GDPD5: variants seen among roughly 807,000 people sequenced by gnomAD.
The protein encoded by GDPD5 is glycerophosphodiester phosphodiesterase 2.
GDPD5 carries 48 observed loss-of-function variants against 75.1 expected under a neutral mutation model. That is an observed-to-expected ratio of 0.64 (90% CI 0.51 to 0.81). GDPD5 has a LOEUF of 0.81. Ranked by LOEUF, GDPD5 falls within the 40% of genes least tolerant of loss-of-function variation. GDPD5 has a pLI of 0.00. For missense variants in GDPD5, 706 were observed against 822.6 expected, an observed-to-expected ratio of 0.86 and a Z score of 1.73; for synonymous variants, 336 against 339.0, an observed-to-expected ratio of 0.99 and a Z score of 0.10.
chr11:75,439,210 G>A (rs942448906), intron 15 of GDPD5: 33 of 399,496 alleles, frequency 8.3e-5, no homozygotes, highest in African/African-American at 1.6e-4. Context: ...GGCTTCAGGC[G>A]AGCGCGCTGT....
rs768753331 is a variant in GDPD5, at chr11:75,439,882, T to C, written c.1553A>G (p.Gln518Arg). The part of the protein sequence containing the change: ...FTLIVGIFVL[Q>R]KWRLGGIRSY... The stretch of plus-strand genomic sequence containing the variant: ...GAAGTGGTCAGATCCTACTCACTTC[T>C]GGAGCACGAAGATGCCCACGATGAG... The change falls in exon 15 of 17, where the codon CAG (glutamine) becomes CGG (arginine). Residue 518 changes from glutamine to arginine, a missense_variant. Physicochemically the swap from Gln to Arg is conservative, Grantham distance 43. Transcript: ENST00000336898. 8.1e-6 allele frequency: 13 copies of C among 1,613,324 alleles called. No individual in the cohort carries two copies. The highest frequency in any genetic ancestry group is 9.3e-6 in the Non-Finnish European group (11 of 1,179,490).
At position 75,435,411 on chromosome 11, in the gene GDPD5, G is replaced by A. The variant is rs1168102718; in HGVS notation, c.*96C>T. ...AGCCCACAAGGAGGCTGTGGAGCCC[G>A]CTCCCAGAGCACTCCGAGTTCAGAC... On this transcript the variant is annotated 3_prime_UTR_variant, in exon 17 of 17. Transcript: ENST00000336898. 14 of 1,209,708 alleles carry A rather than the reference G, an allele frequency of 1.2e-5. No individual in the cohort carries two copies. Among genetic ancestry groups the A allele is most frequent in the Admixed American group, 7.1e-5 (3 of 42,320 alleles). 74.9% of individuals were successfully genotyped at this position (1,209,708 alleles called of 1,614,324 possible).
chr11:75,514,745 C>T (rs556108865), intron 1 of GDPD5, among the ~76,000 whole-genome samples: 3 of 152,348 alleles, frequency 2.0e-5, no homozygotes, highest in South Asian at 4.1e-4. Flanking sequence ...AGGAAGAAGG[C>T]TCCAATTGCA....
At chr11:75,494,702 C>T (rs1950179116) in intron 1 of GDPD5, among the ~76,000 whole-genome samples, 1 of 151,916 alleles carries the variant, frequency 6.6e-6, no homozygotes, top group Non-Finnish European at 1.5e-5. Context: ...CTTGTAATCC[C>T]AGCACTTTGA....
At chr11:75,467,619 G>A (rs1398486627) in intron 3 of GDPD5, among the ~76,000 whole-genome samples, 1 of 152,106 alleles carries the variant, frequency 6.6e-6, no homozygotes, top group Non-Finnish European at 1.5e-5. Flanking sequence ...GAGTGTGCTG[G>A]AGACTGCCTA....
chr11:75,440,170 C>T (rs575577955), intron 14 of GDPD5, among the ~76,000 whole-genome samples: 7 of 152,240 alleles, frequency 4.6e-5, no homozygotes, highest in South Asian at 4.2e-4. Flanking sequence ...TGTGTGCACA[C>T]GTGTGCACTC....
rs76059953 is a variant in GDPD5, at chr11:75,448,942, C to G, written c.714+35G>C. 5,339 of 1,530,396 alleles carry G rather than the reference C, an allele frequency of 3.5e-3. 159 individuals carry two copies. In the African/African-American group the frequency reaches 0.067, roughly 19 times the overall value. 94.8% of individuals were successfully genotyped at this position (1,530,396 alleles called of 1,614,324 possible). On this transcript the variant is annotated intron_variant, in intron 9 of 16. Transcript: ENST00000336898. Reference sequence around the variant, plus strand: ...AGGTCCCCCCCATCGCACCCCACCCCAACGGGGCTGTTAGGACCCTGAGGT... The same window carrying G: ...AGGTCCCCCCCATCGCACCCCACCCGAACGGGGCTGTTAGGACCCTGAGGT...
chr11:75,459,553 TG>T (rs1299937967), intron 4 of GDPD5, among the ~76,000 whole-genome samples: 1 of 152,124 alleles, frequency 6.6e-6, no homozygotes, highest in Non-Finnish European at 1.5e-5. Flanking sequence ...CTGGGCGCGG[TG>T]GCTCACGCCT....
chr11:75,443,027 GCT>G, intron 11 of GDPD5, 107 bp downstream of exon 11: 1 of 1,321,642 alleles, frequency 7.6e-7, no homozygotes, highest in Non-Finnish European at 1.1e-6. Context: ...GGTCGCGAAA[GCT>G]CTGAGAGTGG....
chr11:75,518,850 TGA>T (rs912167833), intron 1 of GDPD5, among the ~76,000 whole-genome samples: 3 of 152,086 alleles, frequency 2.0e-5, no homozygotes, highest in Admixed American at 6.5e-5. Flanking sequence ...GCCTCCTGGG[TGA>T]GAGAGTGAGA....
At chr11:75,514,429 G>C (rs531426114) in intron 1 of GDPD5, among the ~76,000 whole-genome samples, 1 of 152,394 alleles carries the variant, frequency 6.6e-6, no homozygotes, top group Admixed American at 6.5e-5. Flanking sequence ...GGGCCACACA[G>C]TGAGACGGAG....
chr11:75,495,907 C>T (rs1950200085), intron 1 of GDPD5, among the ~76,000 whole-genome samples: 1 of 152,210 alleles, frequency 6.6e-6, no homozygotes, highest in Non-Finnish European at 1.5e-5. Context: ...CCAGCCCTGC[C>T]TTCCCCAGTT....
rs150861779 is a variant in GDPD5, at chr11:75,475,983, T to A, written c.117+1636A>T. Among the ~76,000 whole-genome samples, 425 of 152,310 alleles carry A rather than the reference T, an allele frequency of 2.8e-3. 2 individuals are homozygous for A. Among genetic ancestry groups the A allele is most frequent in the African/African-American group, 9.2e-3 (381 of 41,576 alleles). On this transcript the variant is annotated intron_variant, in intron 3 of 16. Transcript: ENST00000336898. ...CACTTCCTGACTCCATGCCTATGAC[T>A]GGCTGGCCTTGGGCCCACCAAGGAG...
At chr11:75,442,338 G>T (rs779599639) in intron 12 of GDPD5, 25 bp downstream of exon 12, 3 of 1,517,966 alleles carry the variant, frequency 2.0e-6, no homozygotes, top group African/African-American at 2.8e-5. Context: ...GCTCCCGGGG[G>T]CAGAGCTGCG....
intron 9 of GDPD5, among the ~76,000 whole-genome samples, chr11:75,444,856 T>C (rs1948947144): frequency 6.6e-6 from 1 of 152,160 alleles, no homozygotes; most frequent in Non-Finnish European, 1.5e-5. Context: ...AGGGCTTTTT[T>C]ACAGTCCTCT....
At chr11:75,519,932 A>G (rs1416754277) in intron 1 of GDPD5, among the ~76,000 whole-genome samples, 8 of 152,228 alleles carry the variant, frequency 5.3e-5, no homozygotes, top group Non-Finnish European at 1.2e-4. Flanking sequence ...TCTGCCCAGC[A>G]TCTGCTAGCT....
At chr11:75,466,350 G>A (rs1949515290) in intron 3 of GDPD5, among the ~76,000 whole-genome samples, 3 of 152,182 alleles carry the variant, frequency 2.0e-5, no homozygotes, top group African/African-American at 7.2e-5. Flanking sequence ...CTGAATGGCA[G>A]GGACTGGAAG....
Position 75,435,541 on chromosome 11 carries a change from T to C in GDPD5, c.1784A>G (p.His595Arg), listed in dbSNP as rs2135099747. The C allele has an allele frequency of 6.2e-7, 1 of 1,612,598 alleles. No homozygotes were observed. The highest frequency in any genetic ancestry group is 8.5e-7 in the Non-Finnish European group (1 of 1,179,344). The part of the protein sequence containing the change: ...TPVGPRGGGS[H>R]TKTLIERSGR Reference sequence around the variant, plus strand: ...ACTCCGCTCTATGAGGGTCTTGGTGTGGCTGCCACCCCCTCGGGGGCCCAC... The same window carrying C: ...ACTCCGCTCTATGAGGGTCTTGGTGCGGCTGCCACCCCCTCGGGGGCCCAC... The change falls in exon 17 of 17, where the codon CAC becomes CGC. Residue 595 changes from histidine (H) to arginine (R), a missense_variant. Transcript: ENST00000336898.
chr11:75,469,142 G>A (rs548528324), intron 3 of GDPD5, among the ~76,000 whole-genome samples: 3 of 152,224 alleles, frequency 2.0e-5, no homozygotes, highest in Non-Finnish European at 2.9e-5. Context: ...AACCCAGGGC[G>A]GGTGCCATGG....
Sources: gnomAD v4.1 joint callset for allele counts (sites outside exome capture counted in the v4.1 genomes callset) on GRCh38, gnomAD v4.1.1 for gene constraint, MANE v1.5 for transcripts, NCBI Gene and HGNC (gene_info 2026-07-23, HGNC 2026-07-21) for gene names.